Variants in CD177 observed in about 807,000 individuals in gnomAD.
The protein encoded by CD177 is CD177 antigen.
A neutral mutation model predicts 38.1 loss-of-function variants in CD177; 41 were observed. The ratio of observed to expected loss-of-function variants is 1.07; its 90% CI spans 0.84 to 1.39. The LOEUF is 1.39. CD177 is among the 40% of genes most tolerant of loss of function. The pLI, the probability that CD177 is intolerant of heterozygous loss-of-function variation, is 0.00. For missense variants in CD177, 619 were observed against 523.8 expected, an observed-to-expected ratio of 1.18 and a Z score of -1.77; for synonymous variants, 236 against 216.7, an observed-to-expected ratio of 1.09 and a Z score of -0.78.
In CD177 at chr19:43,360,278, T is replaced by G; in HGVS notation, c.633T>G (p.Cys211Trp). Residue 211 changes from cysteine to tryptophan, a missense_variant, in exon 6 of 9, where the codon TGT (cysteine) becomes TGG (tryptophan). By Grantham distance (215) the Cys-to-Trp change is radical (BLOSUM62 -2). Coordinates refer to ENST00000618265, the MANE Select transcript of CD177 (RefSeq NM_020406.4). ...ENCDMKDFLTCHRGTTIMTHG... is the reference protein window; with the variant it reads ...ENCDMKDFLTWHRGTTIMTHG... ...TCCTCTCCCCAGATTTTCTGACCTG[T>G]CATCGGGGGACCACCATTATGACAC... 1 of 1,613,180 alleles carries G rather than the reference T, an allele frequency of 6.2e-7. No individual in the cohort carries two copies. Among genetic ancestry groups the G allele is most frequent in the Non-Finnish European group, 8.5e-7 (1 of 1,179,618 alleles).
intron 8 of CD177, among the ~76,000 whole-genome samples, 194 bp downstream of exon 8, chr19:43,361,773 G>GGGGGCCTGGA (rs1969970732): frequency 7.0e-6 from 1 of 142,780 alleles, no homozygotes; most frequent in Admixed American, 7.9e-5. Context: ...GGGGGCCTGG[G>GGGGGCCTGGA]CTCCTGGTCC....
intron 5 of CD177, 28 bp downstream of exon 5, chr19:43,356,136 G>A (rs1164642956): frequency 3.9e-6 from 2 of 513,540 alleles, no homozygotes; most frequent in Non-Finnish European, 6.9e-6. Context: ...GCTGTGCCCT[G>A]GACTGCAGCC....
chr19:43,355,454 C>A (rs1969913674), intron 3 of CD177: 2 of 577,522 alleles, frequency 3.5e-6, no homozygotes, highest in Non-Finnish European at 6.4e-6. Flanking sequence ...TCTACCCAGA[C>A]CTCCTGTTCA....
chr19:43,361,065 G>T (rs1168597936), intron 6 of CD177, 78 bp from the exon 7 acceptor site: 5 of 650,610 alleles, frequency 7.7e-6, no homozygotes, highest in African/African-American at 5.5e-5. Flanking sequence ...ATTGTGAAGG[G>T]CAGGGAGTCC....
chr19:43,360,596 T>C (rs1969948938), intron 6 of CD177, 191 bp downstream of exon 6: 2 of 617,818 alleles, frequency 3.2e-6, no homozygotes, highest in Non-Finnish European at 2.7e-6. Context: ...GGAATGACAG[T>C]GTCTGCCTTT....
At chr19:43,363,441 C>T, downstream of CD177, among the ~76,000 whole-genome samples, 1 of 151,980 alleles carries the variant, frequency 6.6e-6, no homozygotes, top group Non-Finnish European at 1.5e-5. Flanking sequence ...GAGCCGGAGA[C>T]AGAAAGAGAG....
At chr19:43,355,893 G>C in intron 4 of CD177, 99 bp from the exon 5 acceptor site, 4 of 1,508,758 alleles carry the variant, frequency 2.7e-6, no homozygotes, top group East Asian at 2.3e-5. Flanking sequence ...GAGACCCAGA[G>C]GAGGGTGGGC....
At position 43,362,407 on chromosome 19, in the gene CD177, A is replaced by T. The variant is rs1167811186; in HGVS notation, c.*87A>T. ...TCATAACCTAATGGCCTTGGACACCAGATTCTTTCCCATTCTGTCCATGAA... is the reference window on the plus strand; with the variant it reads ...TCATAACCTAATGGCCTTGGACACCTGATTCTTTCCCATTCTGTCCATGAA... On this transcript the variant is annotated 3_prime_UTR_variant, in exon 9 of 9. Coordinates refer to ENST00000618265, the MANE Select transcript of CD177 (RefSeq NM_020406.4). The T allele has an allele frequency of 1.6e-6, 1 of 612,846 alleles. No homozygotes were observed. The highest frequency in any genetic ancestry group is 2.9e-5 in the Admixed American group (1 of 34,024). The allele number at this position is 612,846 out of a possible 1,614,324, so 38.0% of individuals were successfully genotyped here.
chr19:43,354,215 G>A lies in CD177; in HGVS notation c.202G>A (p.Val68Met). Residue 68 changes from valine (V) to methionine (M), a missense_variant, in exon 3 of 9, where the codon GTG becomes ATG. Physicochemically the swap from Val to Met is conservative, Grantham distance 21 (BLOSUM62 1). Transcript: ENST00000618265. Reference protein sequence around the residue: ...TLMLIESGPQVSLVLSKGCTE... With the variant: ...TLMLIESGPQMSLVLSKGCTE... ...TCCCTCTTTCGGTCCAGGACCCCAA[G>A]TGAGCCTGGTGCTCTCCAAGGGCTG... 6.2e-7 allele frequency: 1 copy of A among 1,612,896 alleles called. No homozygotes were observed. Among genetic ancestry groups the A allele is most frequent in the Non-Finnish European group, 8.5e-7 (1 of 1,179,522 alleles).
At chr19:43,354,701 A>G (rs1261729880) in intron 3 of CD177, among the ~76,000 whole-genome samples, 1 of 151,880 alleles carries the variant, frequency 6.6e-6, no homozygotes, top group African/African-American at 2.4e-5. Context: ...TTCTTTTTTT[A>G]TTCTGTTGCG....
intron 5 of CD177, 36 bp from the exon 6 acceptor site, chr19:43,360,229 C>A (rs372110739): frequency 6.2e-7 from 1 of 1,607,056 alleles, no homozygotes; most frequent in Non-Finnish European, 8.5e-7. Context: ...ATGGTGGGTT[C>A]CTGGCTTACA....
At chr19:43,360,610 G>A in intron 6 of CD177, 2 of 588,166 alleles carry the variant, frequency 3.4e-6, no homozygotes, top group South Asian at 4.2e-5. Context: ...TGCCTTTCTG[G>A]GGAGGGGTGA....
rs1269996904 is a variant in CD177, at chr19:43,353,771, G to A, written c.52+5G>A. The A allele has an allele frequency of 4.3e-6, 7 of 1,613,954 alleles. No homozygotes were observed. Among genetic ancestry groups the A allele is most frequent in the Non-Finnish European group, 3.4e-6 (4 of 1,179,864 alleles). Reference sequence around the variant, plus strand: ...GGTTCATCCTCCCACTGCCAGGTGAGTGATGAGCCCAGCCTGGAGGAGATT... The same window carrying A: ...GGTTCATCCTCCCACTGCCAGGTGAATGATGAGCCCAGCCTGGAGGAGATT... On this transcript the variant is annotated splice_donor_5th_base_variant and intron_variant, in intron 1 of 8. Coordinates refer to ENST00000618265, the MANE Select transcript of CD177 (RefSeq NM_020406.4).
chr19:43,355,176 C>T (rs1165207930), intron 3 of CD177, among the ~76,000 whole-genome samples: 1 of 141,820 alleles, frequency 7.1e-6, no homozygotes, highest in African/African-American at 2.7e-5. Flanking sequence ...TGCAGTGGCG[C>T]AATCTCGGCT....
In CD177 at chr19:43,360,299, G is replaced by A. The variant is rs1203884219; in HGVS notation, c.654G>A (p.Met218Ile). 1.2e-6 allele frequency: 2 copies of A among 1,613,224 alleles called. No homozygotes were observed. Among genetic ancestry groups the A allele is most frequent in the Non-Finnish European group, 1.7e-6 (2 of 1,179,674 alleles). The change falls in exon 6 of 9, where the codon ATG becomes ATA. Residue 218 changes from methionine (M) to isoleucine (I), a missense_variant. Physicochemically the swap from Met to Ile is conservative, Grantham distance 10. Coordinates refer to ENST00000618265, the MANE Select transcript of CD177 (RefSeq NM_020406.4). ...FLTCHRGTTIMTHGNLAQEPT... is the reference protein window; with the variant it reads ...FLTCHRGTTIITHGNLAQEPT... ...CCTGTCATCGGGGGACCACCATTAT[G>A]ACACACGGAAACTTGGCTCAAGAAC...
chr19:43,360,922 A>T, intron 6 of CD177: 2 of 610,080 alleles, frequency 3.3e-6, no homozygotes, highest in Non-Finnish European at 3.0e-6. Context: ...ACTCATGGAG[A>T]AGGTGACCTT....
chr19:43,362,374 C>A lies in CD177; in HGVS notation c.*54C>A. 1 of 770,048 alleles carries A rather than the reference C, an allele frequency of 1.3e-6. No homozygotes were observed. Among genetic ancestry groups the A allele is most frequent in the South Asian group, 1.7e-5 (1 of 57,564 alleles). The allele number at this position is 770,048 out of a possible 1,614,324, so 47.7% of individuals were successfully genotyped here. ...TGCTGACCACCCACACTCAACCTCC[C>A]TCTGACCTCATAACCTAATGGCCTT... On this transcript the variant is annotated 3_prime_UTR_variant, in exon 9 of 9. Transcript: ENST00000618265.
chr19:43,360,076 C>G (rs1242859693), intron 5 of CD177, among the ~76,000 whole-genome samples, 189 bp from the exon 6 acceptor site: 1 of 151,846 alleles, frequency 6.6e-6, no homozygotes, highest in African/African-American at 2.4e-5. Flanking sequence ...GGTGTTCAAG[C>G]AGAAACAGGG....
In CD177 at chr19:43,354,006, T is replaced by C. The variant is rs778001389; in HGVS notation, c.193+13T>C. 3.5e-5 allele frequency: 57 copies of C among 1,612,048 alleles called. No individual in the cohort carries two copies. The highest frequency in any genetic ancestry group is 1.7e-4 in the Middle Eastern group (1 of 5,776). ...CTCATTGAGAGCGGTGAGAAGGCCC[T>C]GGCGTGCAGAGACCCCGCCCTGTCC... is the stretch of plus-strand genomic sequence containing the variant. On this transcript the variant is annotated intron_variant, in intron 2 of 8. Transcript: ENST00000618265.
Sources: allele counts gnomAD v4.1 joint callset (sites outside exome capture counted in the v4.1 genomes callset), GRCh38; gene constraint gnomAD v4.1.1; transcripts MANE v1.5; gene names NCBI Gene and HGNC (gene_info 2026-07-23, HGNC 2026-07-21).